SLC9D1: variants seen among roughly 807,000 people sequenced by gnomAD.
SLC9D1 encodes the protein putative LAG1-interacting protein.
the SLC9D1 span, chr13:113,547,350 T>C: frequency 6.2e-7 from 1 of 1,614,076 alleles, no homozygotes; most frequent in East Asian, 2.2e-5. Flanking sequence ...GGTGCTGGTG[T>C]TCCTCACCTT....
the SLC9D1 span, among the ~76,000 whole-genome samples, chr13:113,540,326 G>A: frequency 6.6e-6 from 1 of 152,184 alleles, no homozygotes; most frequent in East Asian, 1.9e-4. Flanking sequence ...ACTTTCCATC[G>A]CGGCTAAACT....
the SLC9D1 span, chr13:113,495,639 G>T: frequency 8.8e-6 from 14 of 1,589,928 alleles, no homozygotes; most frequent in African/African-American, 4.0e-5. Context: ...TCCCTGGGCG[G>T]TGCAGGCTGT....
the SLC9D1 span, among the ~76,000 whole-genome samples, chr13:113,547,791 C>T: frequency 2.6e-5 from 4 of 152,164 alleles, no homozygotes; most frequent in Admixed American, 2.6e-4. Context: ...GGTGTGATGA[C>T]CTAGTCAGCA....
chr13:113,506,863 T>A, the SLC9D1 span, among the ~76,000 whole-genome samples: 3 of 152,210 alleles, frequency 2.0e-5, no homozygotes, highest in East Asian at 5.8e-4. Flanking sequence ...ATGTGCTTCA[T>A]CAGGCCTGCT....
chr13:113,546,326 G>A, the SLC9D1 span, among the ~76,000 whole-genome samples: 1 of 151,960 alleles, frequency 6.6e-6, no homozygotes, highest in Non-Finnish European at 1.5e-5. This position sits in a 1 kb window ranked among gnomAD's most constrained non-coding sequence, Gnocchi z 7.1. Context: ...TGGGGCTGGG[G>A]CTGATGAGGG....
chr13:113,547,804 C>T, the SLC9D1 span, among the ~76,000 whole-genome samples: 6 of 152,254 alleles, frequency 3.9e-5, no homozygotes, highest in East Asian at 1.2e-3. Context: ...AGTCAGCAAC[C>T]AGTGGCTTTC....
At chr13:113,544,482 C>T in the SLC9D1 span, among the ~76,000 whole-genome samples, 4,456 of 152,366 alleles carry the variant, frequency 0.029, 199 homozygotes, top group African/African-American at 0.097. Context: ...GGCCTGCTCA[C>T]CACCTGCCTT....
the SLC9D1 span, chr13:113,534,213 A>G: frequency 6.2e-7 from 1 of 1,613,786 alleles, no homozygotes; most frequent in Non-Finnish European, 8.5e-7. Flanking sequence ...TCTTGGGAAT[A>G]TCTGCCTTTA....
the SLC9D1 span, among the ~76,000 whole-genome samples, chr13:113,533,320 G>A: frequency 5.1e-4 from 78 of 152,268 alleles, 1 homozygote; most frequent in Middle Eastern, 3.4e-3. Flanking sequence ...GTGGTTCCCC[G>A]AAGGAATCAT....
At chr13:113,534,223 ATCT>A in the SLC9D1 span, 1 of 1,613,330 alleles carries the variant, frequency 6.2e-7, no homozygotes, top group Non-Finnish European at 8.5e-7. Context: ...ATCTGCCTTT[ATCT>A]TCTTAATGTT....
chr13:113,503,637 G>T, the SLC9D1 span: 163,289 of 1,274,646 alleles, frequency 0.13, 13,301 homozygotes, highest in African/African-American at 0.35. Context: ...TTCACATCAT[G>T]TGGTTTTGGT....
the SLC9D1 span, chr13:113,500,190 C>T: frequency 7.6e-7 from 1 of 1,315,662 alleles, no homozygotes; most frequent in Non-Finnish European, 1.0e-6. Context: ...CCCCCAATTC[C>T]TGGTTCATGG....
chr13:113,537,556 T>A, the SLC9D1 span, among the ~76,000 whole-genome samples: 3 of 152,268 alleles, frequency 2.0e-5, no homozygotes, highest in Non-Finnish European at 4.4e-5. Flanking sequence ...GTGACTCGCC[T>A]TTTCACTCTC....
chr13:113,536,676 C>A, the SLC9D1 span: 2 of 569,118 alleles, frequency 3.5e-6, no homozygotes, highest in Non-Finnish European at 4.5e-6. Flanking sequence ...CTGCTGCCAG[C>A]TGCTTGGGGT....
At chr13:113,530,434 G>A in the SLC9D1 span, 2 of 152,064 alleles carry the variant, frequency 1.3e-5, no homozygotes, top group Non-Finnish European at 2.9e-5. Context: ...CATGAATAGA[G>A]ACTAGAAATA....
the SLC9D1 span, among the ~76,000 whole-genome samples, chr13:113,517,325 C>T: frequency 1.1e-3 from 161 of 152,230 alleles, no homozygotes; most frequent in African/African-American, 3.3e-3. Context: ...TTCCACCTCC[C>T]GGGTTCACGC....
the SLC9D1 span, among the ~76,000 whole-genome samples, chr13:113,519,995 G>A: frequency 3.7e-3 from 561 of 152,344 alleles, 4 homozygotes; most frequent in African/African-American, 0.013. Context: ...TTTCTGGGAC[G>A]CAGTGAAATT....
the SLC9D1 span, chr13:113,499,870 T>G: frequency 2.7e-6 from 2 of 735,152 alleles, no homozygotes; most frequent in Non-Finnish European, 4.0e-6. Flanking sequence ...GATTGATGTA[T>G]TTTTAACATT....
chr13:113,519,065 C>T, the SLC9D1 span, among the ~76,000 whole-genome samples: 11 of 140,966 alleles, frequency 7.8e-5, no homozygotes, highest in African/African-American at 2.6e-4. Flanking sequence ...TTTTTTGAGA[C>T]GGAGTCTCGC....
Sources: gnomAD v4.1 joint callset for allele counts (sites outside exome capture counted in the v4.1 genomes callset) on GRCh38, gnomAD v4.1.1 for gene constraint, Gnocchi (gnomAD v3.1) non-coding constraint, MANE v1.5 for transcripts, NCBI Gene and HGNC (gene_info 2026-07-23, HGNC 2026-07-21) for gene names.